ATG2A: variants seen among roughly 807,000 people sequenced by gnomAD.
ATG2A encodes autophagy related 2A.
Under a neutral mutation model 214.2 loss-of-function variants are expected in ATG2A, and 103 were observed. That is an observed-to-expected ratio of 0.48 (90% CI 0.41 to 0.57). ATG2A has a LOEUF of 0.57. ATG2A is among the 20% of genes least tolerant of loss of function. The pLI is 0.00. For missense variants in ATG2A, 2,312 were observed against 2,613.2 expected, an observed-to-expected ratio of 0.88 and a Z score of 2.51; for synonymous variants, 1,160 against 1,142.1, an observed-to-expected ratio of 1.02 and a Z score of -0.32.
rs1944881120 is a variant in ATG2A at position 64,913,999 on chromosome 11, G to A, written c.488-76C>T. 15 of 1,571,022 alleles carry A rather than the reference G, an allele frequency of 9.5e-6. No individual in the cohort carries two copies. The East Asian group carries it at 3.1e-4, about 32-fold the overall frequency. ...CAGAATTTCCCATCTGGGCACCAGGGTGGCCGTGCCGTTGTCTGGAGCCCC... is the reference window on the plus strand; with the variant it reads ...CAGAATTTCCCATCTGGGCACCAGGATGGCCGTGCCGTTGTCTGGAGCCCC... On this transcript the variant is annotated intron_variant, in intron 3 of 40. Transcript: ENST00000377264. The surrounding 1 kb of genome is among the most constrained non-coding windows in gnomAD (Gnocchi z 4.3).
chr11:64,913,736 G>C lies in ATG2A; in HGVS notation c.590+85C>G. The C allele has an allele frequency of 7.3e-7, 1 of 1,377,526 alleles. No individual in the cohort carries two copies. The highest frequency in any genetic ancestry group is 1.0e-6 in the Non-Finnish European group (1 of 985,484). 85.3% of individuals were successfully genotyped at this position (1,377,526 alleles called of 1,614,324 possible). ...TCCAGATCCACCCTGCCTCTTCCCA[G>C]GAACCTAGGCTGCGGGTGGGGACCA... On this transcript the variant is annotated intron_variant, in intron 4 of 40. Coordinates refer to ENST00000377264, the MANE Select transcript of ATG2A (RefSeq NM_015104.3). This position sits in a 1 kb window ranked among gnomAD's most constrained non-coding sequence, Gnocchi z 4.3.
rs144934345 is a variant in ATG2A, at chr11:64,910,899, G to A, written c.1522C>T (p.Arg508Trp). 1.2e-5 allele frequency: 20 copies of A among 1,611,804 alleles called. No homozygotes were observed. Among genetic ancestry groups the A allele is most frequent in the Middle Eastern group, 3.3e-4 (2 of 6,058 alleles). ...TGCACTTCCATGCTGGTTGTCCGCC[G>A]GCCCCGACTGCCCGTCCGCAGCTCC... ...SWELRTGSRG[R>W]RTTSMEVHFG... Residue 508 changes from arginine to tryptophan, a missense_variant, in exon 11 of 41, where the codon CGG becomes TGG. Arg to Trp is a moderately radical substitution (Grantham distance 101). Transcript: ENST00000377264.
At position 64,906,678 on chromosome 11, in the gene ATG2A, T is replaced by A; in HGVS notation, c.2970A>T (p.Thr990=). The change falls in exon 20 of 41, where the codon ACA becomes ACT. Residue 990 remains threonine, a synonymous_variant. Transcript: ENST00000377264. ...GYFCLEAEKA[T]LYHRAAVDDY... is the part of the protein sequence containing the mutation. ...CAGGCCTCACACCTCGGTGGTAGAG[T>A]GTTGCCTTTTCAGCTTCCAGACAGA... is the stretch of plus-strand genomic sequence containing the variant. 1.2e-6 allele frequency: 2 copies of A among 1,613,086 alleles called. No individual in the cohort carries two copies. Among genetic ancestry groups the A allele is most frequent in the Non-Finnish European group, 1.7e-6 (2 of 1,179,872 alleles).
At chr11:64,909,435 G>C (rs1944678090) in intron 14 of ATG2A, 68 bp from the exon 15 acceptor site, 3 of 1,524,940 alleles carry the variant, frequency 2.0e-6, no homozygotes, top group Non-Finnish European at 2.7e-6. Context: ...CCAATGCCCA[G>C]GTCGGCTCAG....
intron 29 of ATG2A, 108 bp from the exon 30 acceptor site, chr11:64,901,200 A>G: frequency 8.7e-7 from 1 of 1,150,460 alleles, no homozygotes; most frequent in Non-Finnish European, 1.2e-6. Context: ...TTTTTTATAG[A>G]CAGGGTCGGG....
rs189656844 is a variant in ATG2A, at chr11:64,906,651, C to G, written c.2983+14G>C. On this transcript the variant is annotated intron_variant, in intron 20 of 40. Transcript: ENST00000377264. ...CCCTGGACCCCAGTGGTGACCTGCCCCCAGGCCTCACACCTCGGTGGTAGA... is the reference window on the plus strand; with the variant it reads ...CCCTGGACCCCAGTGGTGACCTGCCGCCAGGCCTCACACCTCGGTGGTAGA... 3,745 of 1,613,300 alleles carry G rather than the reference C, an allele frequency of 2.3e-3. 6 individuals carry two copies. Among genetic ancestry groups the G allele is most frequent in the Non-Finnish European group, 2.9e-3 (3,457 of 1,179,858 alleles).
Position 64,906,438 on chromosome 11 carries a change from C to T in ATG2A, c.3079G>A (p.Gly1027Arg). ...LAPTIYPSEE[G>R]VTERGASGRK... Reference sequence around the variant, plus strand: ...CCCGAGGCTCCCCGCTCGGTCACCCCTTCCTCCGATGGGTAGATGGTTGGG... The same window carrying T: ...CCCGAGGCTCCCCGCTCGGTCACCCTTTCCTCCGATGGGTAGATGGTTGGG... The change falls in exon 21 of 41, where the codon GGG becomes AGG. Residue 1027 changes from glycine to arginine, a missense_variant. By Grantham distance (125) the Gly-to-Arg change is moderately radical (BLOSUM62 -2). Transcript: ENST00000377264. 1 of 1,613,262 alleles carries T rather than the reference C, an allele frequency of 6.2e-7. No homozygotes were observed. The highest frequency in any genetic ancestry group is 8.5e-7 in the Non-Finnish European group (1 of 1,179,994).
intron 29 of ATG2A, among the ~76,000 whole-genome samples, chr11:64,901,534 C>G (rs1044521930): frequency 1.3e-5 from 2 of 152,024 alleles, no homozygotes; most frequent in Non-Finnish European, 2.9e-5. Flanking sequence ...TGCTATCACC[C>G]GAGTCTATGC....
intron 15 of ATG2A, 50 bp downstream of exon 15, chr11:64,909,221 C>T: frequency 6.2e-7 from 1 of 1,610,644 alleles, no homozygotes; most frequent in Non-Finnish European, 8.5e-7. Context: ...CCCCCTGCCA[C>T]CCCCAGCAGA....
In ATG2A at chr11:64,897,697, C is replaced by T; in HGVS notation, c.5041G>A (p.Gly1681Ser). ...SEVPIWLDYH[G>S]KHVTMDQVGT... ...ACCTGGTCCATCGTGACGTGCTTGC[C>T]ATGGTAATCCAGCCAGATGGGGACC... The change falls in exon 36 of 41, where the codon GGC becomes AGC. Residue 1681 changes from glycine to serine, a missense_variant. Coordinates refer to ENST00000377264, the MANE Select transcript of ATG2A (RefSeq NM_015104.3). 6.2e-7 allele frequency: 1 copy of T among 1,614,248 alleles called. No homozygotes were observed. Among genetic ancestry groups the T allele is most frequent in the Non-Finnish European group, 8.5e-7 (1 of 1,180,032 alleles).
rs774372662 is a variant in ATG2A, at chr11:64,913,145, C to T, written c.727-9G>A. The T allele has an allele frequency of 2.5e-5, 40 of 1,584,684 alleles. No homozygotes were observed. The highest frequency in any genetic ancestry group is 6.8e-5 in the East Asian group (3 of 44,042). On this transcript the variant is annotated splice_polypyrimidine_tract_variant and intron_variant, in intron 5 of 40. Coordinates refer to ENST00000377264, the MANE Select transcript of ATG2A (RefSeq NM_015104.3). This position sits in a 1 kb window ranked among gnomAD's most constrained non-coding sequence, Gnocchi z 4.3. ...GGCTCTGGAGGCTCTTCCTGGGAGA[C>T]GGGAGGATACAAGAGGGAAAGGTTG...
At position 64,903,235 on chromosome 11, in the gene ATG2A, T is replaced by G. The variant is rs1944420767; in HGVS notation, c.3612+53A>C. The G allele has an allele frequency of 6.4e-7, 1 of 1,554,158 alleles. No individual in the cohort carries two copies. The highest frequency in any genetic ancestry group is 1.7e-5 in the Admixed American group (1 of 59,356). The stretch of plus-strand genomic sequence containing the variant: ...GGAGCAGCAGCCCCTGAAGACTCCC[T>G]TGGCCCCTGCACCTGCTGTGGCTCC... On this transcript the variant is annotated intron_variant, in intron 26 of 40. Coordinates refer to ENST00000377264, the MANE Select transcript of ATG2A (RefSeq NM_015104.3). This position sits in a 1 kb window ranked among gnomAD's most constrained non-coding sequence, Gnocchi z 4.2.
intron 31 of ATG2A, among the ~76,000 whole-genome samples, chr11:64,900,100 A>G (rs1944300404): frequency 6.7e-6 from 1 of 148,280 alleles, no homozygotes; most frequent in South Asian, 2.1e-4. Context: ...TCCTGAGCTC[A>G]GGTGATCTGC....
chr11:64,912,167 G>T lies in ATG2A; in HGVS notation c.1005C>A (p.Asn335Lys), dbSNP rs1360907778. The change falls in exon 8 of 41, where the codon AAC (asparagine) becomes AAA (lysine). Residue 335 changes from asparagine to lysine, a missense_variant. Asn to Lys is a moderately conservative substitution (Grantham distance 94). Transcript: ENST00000377264. ...EDLWLIEQDL[N>K]QQLQAGAVAE... ...CCACTGCCCCTGCCTGCAGCTGCTG[G>T]TTCAGGTCCTGCTCAATCAGCCACA... 1.9e-6 allele frequency: 3 copies of T among 1,614,012 alleles called. No individual in the cohort carries two copies. Among genetic ancestry groups the T allele is most frequent in the East Asian group, 2.2e-5 (1 of 44,886 alleles).
In ATG2A at chr11:64,913,426, G is replaced by A. The variant is rs1382802741; in HGVS notation, c.591-25C>T. The A allele has an allele frequency of 3.9e-6, 6 of 1,545,850 alleles. No homozygotes were observed. In the Admixed American group the frequency reaches 5.6e-5, roughly 14 times the overall value. Reference sequence around the variant, plus strand: ...TCTGGAGAGTGTAGGGTCAGCCCGTGCCCTGGCCACCCCAGGCCTGGAGCC... The same window carrying A: ...TCTGGAGAGTGTAGGGTCAGCCCGTACCCTGGCCACCCCAGGCCTGGAGCC... On this transcript the variant is annotated intron_variant, in intron 4 of 40. Transcript: ENST00000377264. The surrounding 1 kb of genome is among the most constrained non-coding windows in gnomAD (Gnocchi z 4.3).
rs1944202042 is a variant in ATG2A, at chr11:64,897,652, A to G, written c.5067+19T>C. On this transcript the variant is annotated intron_variant, in intron 36 of 40. Coordinates refer to ENST00000377264, the MANE Select transcript of ATG2A (RefSeq NM_015104.3). ...ACAGCTGACCCCACATGGCCACCCC[A>G]TCCGACCGCCCCACTTACCACCTGG... 2 of 1,614,106 alleles carry G rather than the reference A, an allele frequency of 1.2e-6. No homozygotes were observed. The highest frequency in any genetic ancestry group is 4.5e-5 in the East Asian group (2 of 44,874).
At position 64,906,237 on chromosome 11, in the gene ATG2A, A is replaced by G. The variant is rs1211199348; in HGVS notation, c.3184-44T>C. 9.9e-6 allele frequency: 16 copies of G among 1,608,370 alleles called. No individual in the cohort carries two copies. The Admixed American group carries it at 2.7e-4, about 27-fold the overall frequency. On this transcript the variant is annotated intron_variant, in intron 21 of 40. Coordinates refer to ENST00000377264, the MANE Select transcript of ATG2A (RefSeq NM_015104.3). ...TCAGGGCAGTGGGGAGGCCAGCCCC[A>G]CCGTGCACTGGGGCCTCACCGCGCA...
At chr11:64,901,196 A>G in intron 29 of ATG2A, 104 bp from the exon 30 acceptor site, 1 of 1,049,812 alleles carries the variant, frequency 9.5e-7, no homozygotes. Context: ...TTTTTTTTTT[A>G]TAGACAGGGT....
intron 1 of ATG2A, among the ~76,000 whole-genome samples, chr11:64,916,557 C>T (rs1944993108): frequency 6.6e-6 from 1 of 152,134 alleles, no homozygotes; most frequent in African/African-American, 2.4e-5. Context: ...GGCTCCGGAC[C>T]CCTACCAGCT....
Sources: allele counts gnomAD v4.1 joint callset (sites outside exome capture counted in the v4.1 genomes callset), GRCh38; gene constraint gnomAD v4.1.1; non-coding constraint Gnocchi (gnomAD v3.1); transcripts MANE v1.5; gene names NCBI Gene and HGNC (gene_info 2026-07-23, HGNC 2026-07-21).